Variants in CNTNAP2 observed in about 807,000 individuals in gnomAD.
CNTNAP2 encodes the protein contactin associated protein 2.
In CNTNAP2, 98 loss-of-function variants were observed where a neutral mutation model predicts 155.2. The ratio of observed to expected loss-of-function variants is 0.63; its 90% CI spans 0.54 to 0.75. The LOEUF (loss-of-function observed/expected upper bound fraction) is 0.75. CNTNAP2 is among the 30% of genes least tolerant of loss of function. The probability of loss-of-function intolerance (pLI) is 0.00; values close to 1 mark genes in which losing one functional copy is unlikely to be tolerated. For synonymous variants in CNTNAP2, 651 were observed against 631.2 expected (o/e 1.03, Z -0.47); for missense variants, 1,727 against 1,688.1 (o/e 1.02, Z -0.40).
At chr7:147,772,368 G>A (rs1263767666) in intron 13 of CNTNAP2, among the ~76,000 whole-genome samples, 1 of 144,534 alleles carries the variant, frequency 6.9e-6, no homozygotes, top group Non-Finnish European at 1.5e-5. Flanking sequence ...AGTGAGCCGA[G>A]ATCGTGCCAC....
intron 9 of CNTNAP2, among the ~76,000 whole-genome samples, chr7:147,356,578 T>C (rs1246829249): frequency 6.6e-6 from 1 of 152,076 alleles, no homozygotes; most frequent in Non-Finnish European, 1.5e-5. Context: ...ATTCTTTATT[T>C]AGTATTTAGT....
intron 10 of CNTNAP2, among the ~76,000 whole-genome samples, chr7:147,482,312 A>G (rs186937573): frequency 6.6e-6 from 1 of 152,246 alleles, no homozygotes; most frequent in African/African-American, 2.4e-5. Context: ...AAATATATAT[A>G]TATGGCGATA....
At chr7:147,741,540 A>T (rs2116487301) in intron 13 of CNTNAP2, among the ~76,000 whole-genome samples, 1 of 152,362 alleles carries the variant, frequency 6.6e-6, no homozygotes, top group East Asian at 1.9e-4. Context: ...CCAGAAGTTA[A>T]TAAACAACTC....
chr7:148,016,195 A>T (rs1173863761), intron 15 of CNTNAP2, among the ~76,000 whole-genome samples: 1 of 152,190 alleles, frequency 6.6e-6, no homozygotes, highest in African/African-American at 2.4e-5. Flanking sequence ...TCCTTTGTAG[A>T]GGACCGGGGT....
chr7:147,305,438 A>T (rs962830580), intron 9 of CNTNAP2, among the ~76,000 whole-genome samples: 5 of 152,160 alleles, frequency 3.3e-5, no homozygotes, highest in African/African-American at 1.2e-4. Flanking sequence ...AGCCTCCCAG[A>T]TAGTTTCCCA....
At chr7:147,635,345 A>G (rs1488766656) in intron 12 of CNTNAP2, among the ~76,000 whole-genome samples, 1 of 151,730 alleles carries the variant, frequency 6.6e-6, no homozygotes, top group Non-Finnish European at 1.5e-5. Context: ...GCTGATCTTG[A>G]ATTCGTGGGT....
chr7:147,314,172 C>T (rs975931808), intron 9 of CNTNAP2, among the ~76,000 whole-genome samples: 1 of 152,066 alleles, frequency 6.6e-6, no homozygotes, highest in Non-Finnish European at 1.5e-5. Context: ...TTTCAAGACC[C>T]TAAAAATGGT....
intron 3 of CNTNAP2, among the ~76,000 whole-genome samples, chr7:147,007,185 G>A (rs982905991): frequency 6.6e-6 from 1 of 152,122 alleles, no homozygotes; most frequent in Non-Finnish European, 1.5e-5. Context: ...AAATGCACAT[G>A]CTCGCTACTG....
intron 4 of CNTNAP2, among the ~76,000 whole-genome samples, chr7:147,104,001 G>A (rs1800704953): frequency 6.6e-6 from 1 of 152,040 alleles, no homozygotes; most frequent in Non-Finnish European, 1.5e-5. Context: ...ATCCTGGATT[G>A]AATCCTAGAA....
At chr7:146,724,322 A>AT (rs1028797939) in intron 1 of CNTNAP2, among the ~76,000 whole-genome samples, 14 of 150,684 alleles carry the variant, frequency 9.3e-5, no homozygotes, top group East Asian at 2.0e-4. Flanking sequence ...GTTCGTTTTT[A>AT]TTTTTTTTTC....
At chr7:147,960,486 C>A (rs919886097) in intron 14 of CNTNAP2, among the ~76,000 whole-genome samples, 2 of 152,080 alleles carry the variant, frequency 1.3e-5, no homozygotes, top group Admixed American at 1.3e-4. Flanking sequence ...TCTTGGATTG[C>A]CTGAAATCAG....
At chr7:148,017,444 C>T (rs762853427) in intron 15 of CNTNAP2, among the ~76,000 whole-genome samples, 104 of 152,106 alleles carry the variant, frequency 6.8e-4, no homozygotes, top group Admixed American at 2.3e-3. Context: ...AAAAAGGCTG[C>T]TTATGTTAAA....
intron 10 of CNTNAP2, among the ~76,000 whole-genome samples, chr7:147,433,197 C>T (rs939039795): frequency 3.9e-5 from 6 of 152,214 alleles, no homozygotes; most frequent in African/African-American, 1.4e-4. Flanking sequence ...TTTAAATCTT[C>T]AACCATCATC....
At chr7:147,408,569 G>A (rs570981474) in intron 10 of CNTNAP2, among the ~76,000 whole-genome samples, 1 of 152,158 alleles carries the variant, frequency 6.6e-6, no homozygotes, top group South Asian at 2.1e-4. Flanking sequence ...GACCATCCTG[G>A]CTAACACGGT....
intron 5 of CNTNAP2, among the ~76,000 whole-genome samples, chr7:147,111,751 C>T (rs1479067529): frequency 6.6e-6 from 1 of 152,158 alleles, no homozygotes; most frequent in Non-Finnish European, 1.5e-5. Context: ...CAGTACCATG[C>T]TGTTTTGGTT....
At chr7:147,701,320 A>G (rs556881033) in intron 13 of CNTNAP2, among the ~76,000 whole-genome samples, 1 of 152,296 alleles carries the variant, frequency 6.6e-6, no homozygotes, top group Admixed American at 6.5e-5. Context: ...GAGTCTGTCA[A>G]AGTGCTGCCT....
At chr7:146,176,903 A>AC (rs1363022343) in intron 1 of CNTNAP2, among the ~76,000 whole-genome samples, 1 of 152,212 alleles carries the variant, frequency 6.6e-6, no homozygotes, top group Non-Finnish European at 1.5e-5. Flanking sequence ...AGCTATAGCC[A>AC]CAAGTGGCTT....
At chr7:146,800,794 TC>T (rs1276011403) in intron 2 of CNTNAP2, among the ~76,000 whole-genome samples, 10 of 152,062 alleles carry the variant, frequency 6.6e-5, no homozygotes, top group African/African-American at 2.4e-4. Flanking sequence ...AGATATAATC[TC>T]CCATAGGATT....
At chr7:147,389,327 T>C (rs2116439914) in intron 9 of CNTNAP2, among the ~76,000 whole-genome samples, 1 of 152,278 alleles carries the variant, frequency 6.6e-6, no homozygotes. Flanking sequence ...CTCCCAACCT[T>C]CCCAACTTTA....
Sources: gnomAD v4.1 joint callset for allele counts (sites outside exome capture counted in the v4.1 genomes callset) on GRCh38, gnomAD v4.1.1 for gene constraint, MANE v1.5 for transcripts, NCBI Gene and HGNC (gene_info 2026-07-23, HGNC 2026-07-21) for gene names.